The following SETBP1 variants were observed in gnomAD, a reference collection of about 807,000 sequenced individuals.
SETBP1 encodes the protein SET-binding protein.
Under a neutral mutation model 101.0 loss-of-function variants are expected in SETBP1, and 9 were observed. That is an observed-to-expected ratio of 0.09 (90% CI 0.05 to 0.16). The LOEUF is 0.16. SETBP1 is among the 10% of genes least tolerant of loss of function. The pLI is 1.00. For missense variants in SETBP1, 1,858 were observed against 2,033.8 expected, an observed-to-expected ratio of 0.91 and a Z score of 1.66; for synonymous variants, 818 against 788.5, an observed-to-expected ratio of 1.04 and a Z score of -0.63.
chr18:44,856,705 A>T (rs1350970973), intron 2 of SETBP1, among the ~76,000 whole-genome samples: 1 of 152,224 alleles, frequency 6.6e-6, no homozygotes, highest in African/African-American at 2.4e-5. Context: ...TTTTATGTGG[A>T]AATAAGCTGT....
chr18:44,740,626 C>T (rs1387293889), intron 2 of SETBP1, among the ~76,000 whole-genome samples: 2 of 152,152 alleles, frequency 1.3e-5, no homozygotes, highest in Admixed American at 1.3e-4. Flanking sequence ...CCATACATTT[C>T]TCGTGGACAC....
Position 45,035,338 on chromosome 18 carries a change from C to T in SETBP1, c.4001-3147C>T, listed in dbSNP as rs563030302. ...AATCATTGGGTGGTAACTAGAAAGC[C>T]GTACTATAATCTAGAAAATTCTAAA... On this transcript the variant is annotated intron_variant, in intron 4 of 5. Transcript: ENST00000649279. 2.5e-4 allele frequency among the ~76,000 whole-genome samples: 38 copies of T among 152,154 alleles called. No homozygotes were observed. In the South Asian group the frequency reaches 6.8e-3, roughly 27 times the overall value.
chr18:44,697,897 A>G (rs985873915), intron 1 of SETBP1, among the ~76,000 whole-genome samples: 11 of 152,224 alleles, frequency 7.2e-5, no homozygotes, highest in Admixed American at 1.3e-4. Context: ...TGCAACAAAC[A>G]TTTGGGGAAC....
Position 45,063,967 on chromosome 18 carries a change from C to T in SETBP1, c.*269C>T. On this transcript the variant is annotated 3_prime_UTR_variant, in exon 6 of 6. Transcript: ENST00000649279. ...TCAGTACGGCTGGATCCTCCGCAGG[C>T]GAGCGGAAGGCCCCCAGGAGGAGCA... 2.7e-6 allele frequency: 1 copy of T among 366,066 alleles called. No individual in the cohort carries two copies. The highest frequency in any genetic ancestry group is 5.0e-6 in the Non-Finnish European group (1 of 198,076). The allele number at this position is 366,066 out of a possible 1,614,324, so 22.7% of individuals were successfully genotyped here. A position where few individuals can be genotyped will look rare whatever the true frequency, so the allele number is the denominator to read the frequency against.
intron 2 of SETBP1, among the ~76,000 whole-genome samples, chr18:44,811,973 A>G (rs563236671): frequency 6.6e-6 from 1 of 152,302 alleles, no homozygotes; most frequent in South Asian, 2.1e-4. Context: ...GCTTGATCCC[A>G]TTCCCCATAG....
chr18:44,797,813 C>T (rs921249223), intron 2 of SETBP1, among the ~76,000 whole-genome samples: 51 of 152,046 alleles, frequency 3.4e-4, no homozygotes, highest in African/African-American at 1.2e-3. Context: ...CATATTTTGC[C>T]CACAATTATA....
intron 3 of SETBP1, among the ~76,000 whole-genome samples, chr18:44,916,118 C>T (rs763492513): frequency 1.9e-4 from 29 of 152,014 alleles, no homozygotes; most frequent in Admixed American, 5.9e-4. Flanking sequence ...CCCAGCTACT[C>T]GGGAGGCTGA....
At chr18:45,021,369 C>T (rs2145419933) in intron 4 of SETBP1, among the ~76,000 whole-genome samples, 1 of 152,284 alleles carries the variant, frequency 6.6e-6, no homozygotes, top group Admixed American at 6.5e-5. Flanking sequence ...ATTAATCCCC[C>T]AGCCTGGTCT....
At chr18:44,814,726 T>C (rs974864041) in intron 2 of SETBP1, among the ~76,000 whole-genome samples, 4 of 152,254 alleles carry the variant, frequency 2.6e-5, no homozygotes, top group Non-Finnish European at 4.4e-5. Context: ...CTGTAACCTC[T>C]GATGTCGGGC....
chr18:44,793,567 G>C lies in SETBP1; in HGVS notation c.487-75663G>C, dbSNP rs1448329510. Among the ~76,000 whole-genome samples, 3 of 152,184 alleles carry C rather than the reference G, an allele frequency of 2.0e-5. No homozygotes were observed. In the East Asian group the frequency reaches 5.8e-4, roughly 29 times the overall value. On this transcript the variant is annotated intron_variant, in intron 2 of 5. Transcript: ENST00000649279. Reference sequence around the variant, plus strand: ...GAGACTTGGGTGGTGGGGACCCCCTGTGTGTTCTATTAAGCTCTCCAGGTG... The same window carrying C: ...GAGACTTGGGTGGTGGGGACCCCCTCTGTGTTCTATTAAGCTCTCCAGGTG...
Position 44,936,677 on chromosome 18 carries a change from C to G in SETBP1, c.541-13204C>G, listed in dbSNP as rs536600143. Among the ~76,000 whole-genome samples, 22 of 152,248 alleles carry G rather than the reference C, an allele frequency of 1.4e-4. No homozygotes were observed. The South Asian group carries it at 4.6e-3, about 32-fold the overall frequency. ...GTTGCAGTGACCTGGTCCTCGGATG[C>G]CAGCCAACACAGAAAGGGATGCCTG... On this transcript the variant is annotated intron_variant, in intron 3 of 5. Transcript: ENST00000649279.
intron 3 of SETBP1, among the ~76,000 whole-genome samples, chr18:44,891,998 A>T (rs2069782871): frequency 6.6e-6 from 1 of 152,154 alleles, no homozygotes; most frequent in African/African-American, 2.4e-5. Context: ...CAGACTCAAA[A>T]GTTGAGGGGA....
At chr18:44,931,115 T>C (rs898850389) in intron 3 of SETBP1, among the ~76,000 whole-genome samples, 2 of 152,246 alleles carry the variant, frequency 1.3e-5, no homozygotes, top group African/African-American at 4.8e-5. Flanking sequence ...TTTAAATGTG[T>C]CCCAGAGATT....
At position 44,800,767 on chromosome 18, in the gene SETBP1, C is replaced by T. The variant is rs80053742; in HGVS notation, c.487-68463C>T. 4.8e-3 allele frequency among the ~76,000 whole-genome samples: 727 copies of T among 152,196 alleles called. 3 individuals are homozygous for T. Among genetic ancestry groups the T allele is most frequent in the African/African-American group, 0.017 (693 of 41,524 alleles). ...GAGTACCTGCCCCATCCTTGTTGAC[C>T]GGGAGAGAAAATTACTGTCCCTAGC... On this transcript the variant is annotated intron_variant, in intron 2 of 5. Transcript: ENST00000649279.
chr18:44,973,858 G>A (rs75717080), intron 4 of SETBP1, among the ~76,000 whole-genome samples: 9 of 152,058 alleles, frequency 5.9e-5, no homozygotes, highest in Admixed American at 2.6e-4. Flanking sequence ...CTGCATTTTC[G>A]GATACCACAC....
chr18:44,757,798 A>G (rs2070534380), intron 2 of SETBP1, among the ~76,000 whole-genome samples: 1 of 152,198 alleles, frequency 6.6e-6, no homozygotes, highest in Non-Finnish European at 1.5e-5. Context: ...GTTTGAAAGT[A>G]TTATAGGAAG....
At chr18:44,743,704 C>CT (rs2070152322) in intron 2 of SETBP1, among the ~76,000 whole-genome samples, 1 of 152,178 alleles carries the variant, frequency 6.6e-6, no homozygotes, top group Non-Finnish European at 1.5e-5. Context: ...TAACCTACCT[C>CT]TTTTTTTCTA....
intron 3 of SETBP1, chr18:44,870,334 G>C (rs1191253591): frequency 2.6e-5 from 4 of 152,374 alleles, no homozygotes; most frequent in South Asian, 2.1e-4. Flanking sequence ...ACCCAGTCCT[G>C]ATGCACAGTG....
chr18:45,039,691 A>G (rs2073471448), intron 5 of SETBP1, among the ~76,000 whole-genome samples: 1 of 152,236 alleles, frequency 6.6e-6, no homozygotes. Context: ...AGTATTTAGA[A>G]AGCCCTGTTA....
Sources: gnomAD v4.1 joint callset for allele counts (sites outside exome capture counted in the v4.1 genomes callset) on GRCh38, gnomAD v4.1.1 for gene constraint, MANE v1.5 for transcripts, NCBI Gene and HGNC (gene_info 2026-07-23, HGNC 2026-07-21) for gene names.